Variants in INPP5A observed in about 807,000 individuals in gnomAD.
INPP5A encodes the protein 43 kDa inositol polyphosphate 5-phophatase.
In INPP5A, 14 loss-of-function variants were observed where a neutral mutation model predicts 65.2. The ratio of observed to expected loss-of-function variants is 0.21; its 90% CI spans 0.14 to 0.34. The LOEUF (loss-of-function observed/expected upper bound fraction) is 0.34. Among genes scored for constraint, INPP5A ranks in the 10% least tolerant of loss-of-function variants. INPP5A has a pLI of 1.00. For missense variants in INPP5A, 431 were observed against 545.6 expected (o/e 0.79, Z 2.09); for synonymous variants, 207 against 208.3 (o/e 0.99, Z 0.05).
At chr10:132,626,265 C>G (rs2072182621) in intron 2 of INPP5A, among the ~76,000 whole-genome samples, 1 of 152,262 alleles carries the variant, frequency 6.6e-6, no homozygotes, top group African/African-American at 2.4e-5. Context: ...GACACCTGGG[C>G]TATATCCAGG....
chr10:132,597,149 G>T (rs962473168), intron 1 of INPP5A, among the ~76,000 whole-genome samples: 17 of 151,436 alleles, frequency 1.1e-4, no homozygotes, highest in African/African-American at 3.9e-4. Flanking sequence ...GTGCATGCAT[G>T]TGTGTGAGTG....
chr10:132,667,443 A>G (rs543805566), intron 4 of INPP5A, among the ~76,000 whole-genome samples: 2 of 152,322 alleles, frequency 1.3e-5, no homozygotes, highest in South Asian at 4.1e-4. Flanking sequence ...AGCTGGAATT[A>G]AATTTATCAA....
chr10:132,658,706 C>T (rs757665622), intron 4 of INPP5A, among the ~76,000 whole-genome samples: 2 of 152,038 alleles, frequency 1.3e-5, no homozygotes, highest in African/African-American at 2.4e-5. Flanking sequence ...TCTCTGGGCA[C>T]GGATGCTCTA....
intron 4 of INPP5A, among the ~76,000 whole-genome samples, chr10:132,654,548 G>A (rs2072626417): frequency 6.6e-6 from 1 of 152,230 alleles, no homozygotes; most frequent in African/African-American, 2.4e-5. Context: ...CTTCCCCGGG[G>A]TCCTGGGCAG....
intron 11 of INPP5A, among the ~76,000 whole-genome samples, chr10:132,764,519 G>C (rs1212815749): frequency 6.9e-6 from 1 of 144,076 alleles, no homozygotes; most frequent in Non-Finnish European, 1.5e-5. Context: ...GTGACACTCA[G>C]GAACACGGTC....
chr10:132,685,207 C>G (rs1006940826), intron 4 of INPP5A, among the ~76,000 whole-genome samples: 1 of 152,244 alleles, frequency 6.6e-6, no homozygotes, highest in Non-Finnish European at 1.5e-5. Flanking sequence ...TCAGGGCTCC[C>G]CTGGGCCGCG....
chr10:132,734,544 G>A (rs1365036201), intron 9 of INPP5A, among the ~76,000 whole-genome samples: 3 of 152,360 alleles, frequency 2.0e-5, no homozygotes, highest in Admixed American at 6.5e-5. Flanking sequence ...CTGAGGTTCT[G>A]GGTGGGTGAG....
chr10:132,604,093 C>A (rs1306103642), intron 1 of INPP5A, among the ~76,000 whole-genome samples: 3 of 146,948 alleles, frequency 2.0e-5, no homozygotes, highest in Non-Finnish European at 4.5e-5. Flanking sequence ...TCTGTCCCGC[C>A]CTGTGCTGTC....
rs1306466659 is a variant in INPP5A at position 132,603,870 on chromosome 10, T to C, written c.76-4045T>C. Among the ~76,000 whole-genome samples the C allele has an allele frequency of 6.6e-6, 1 of 151,992 alleles. No homozygotes were observed. Among genetic ancestry groups the C allele is most frequent in the Non-Finnish European group, 1.5e-5 (1 of 67,986 alleles). ...TCACTGTGGTCTTTCCTTTCTGACT[T>C]CTGGGCTCTGCTGCATCACCTGAGT... On this transcript the variant is annotated intron_variant, in intron 1 of 15. Transcript: ENST00000368594. This position sits in a 1 kb window ranked among gnomAD's most constrained non-coding sequence, Gnocchi z 4.2.
intron 11 of INPP5A, among the ~76,000 whole-genome samples, chr10:132,755,013 G>A (rs989761237): frequency 1.3e-5 from 2 of 152,156 alleles, no homozygotes; most frequent in Non-Finnish European, 2.9e-5. Flanking sequence ...ATGCATGTGA[G>A]CCTGTGTGAG....
chr10:132,766,402 C>T (rs759243613), intron 12 of INPP5A, among the ~76,000 whole-genome samples: 2 of 152,180 alleles, frequency 1.3e-5, no homozygotes, highest in Non-Finnish European at 2.9e-5. Flanking sequence ...CTGGCAATAT[C>T]GGGGCCTCCA....
intron 8 of INPP5A, among the ~76,000 whole-genome samples, chr10:132,721,201 TGG>T (rs1271671886): frequency 2.7e-5 from 4 of 150,430 alleles, no homozygotes; most frequent in African/African-American, 9.8e-5. Context: ...GGGTTCTTTC[TGG>T]GGGCGCCTTA....
At chr10:132,687,057 G>T (rs954123652) in intron 4 of INPP5A, among the ~76,000 whole-genome samples, 1 of 152,222 alleles carries the variant, frequency 6.6e-6, no homozygotes, top group Non-Finnish European at 1.5e-5. Flanking sequence ...CAATTCTCCT[G>T]CCTCAGCCTC....
Position 132,698,487 on chromosome 10 carries a change from T to C in INPP5A, c.474+568T>C, listed in dbSNP as rs985516287. Among the ~76,000 whole-genome samples the C allele has an allele frequency of 5.9e-5, 9 of 152,222 alleles. No homozygotes were observed. The highest frequency in any genetic ancestry group is 2.2e-4 in the African/African-American group (9 of 41,472). On this transcript the variant is annotated intron_variant, in intron 6 of 15. Transcript: ENST00000368594. The surrounding 1 kb of genome is among the most constrained non-coding windows in gnomAD (Gnocchi z 5.5). ...CACGGTGTTGATGAGAAATTGGTGTTTCCTTCTGGCGGCCATGCACTTTGC... is the reference window on the plus strand; with the variant it reads ...CACGGTGTTGATGAGAAATTGGTGTCTCCTTCTGGCGGCCATGCACTTTGC...
intron 11 of INPP5A, among the ~76,000 whole-genome samples, chr10:132,759,936 C>T (rs1846701751): frequency 6.6e-6 from 1 of 152,192 alleles, no homozygotes; most frequent in Admixed American, 6.5e-5. Context: ...TGGGGACACT[C>T]ACTCAGGGCT....
chr10:132,761,384 G>A (rs1053555713), intron 11 of INPP5A, among the ~76,000 whole-genome samples: 1 of 152,250 alleles, frequency 6.6e-6, no homozygotes, highest in East Asian at 1.9e-4. Flanking sequence ...CCTGCTCTGA[G>A]CCAGGCCCTG....
intron 4 of INPP5A, among the ~76,000 whole-genome samples, chr10:132,672,786 G>A (rs2072909131): frequency 6.6e-6 from 1 of 152,106 alleles, no homozygotes; most frequent in Non-Finnish European, 1.5e-5. Flanking sequence ...CCAGTTACAT[G>A]TGCGTTGGAC....
At chr10:132,581,034 T>A (rs2071476961) in intron 1 of INPP5A, among the ~76,000 whole-genome samples, 1 of 152,146 alleles carries the variant, frequency 6.6e-6, no homozygotes, top group African/African-American at 2.4e-5. Context: ...CCCCCATACC[T>A]TTCCCTGGCC....
At chr10:132,664,500 C>T (rs577988265) in intron 4 of INPP5A, among the ~76,000 whole-genome samples, 152 of 152,336 alleles carry the variant, frequency 1.0e-3, no homozygotes, top group African/African-American at 3.4e-3. Context: ...AAGGGAACAT[C>T]GTGTTTTTCA....
Sources: gnomAD v4.1 joint callset for allele counts (sites outside exome capture counted in the v4.1 genomes callset) on GRCh38, gnomAD v4.1.1 for gene constraint, Gnocchi (gnomAD v3.1) non-coding constraint, MANE v1.5 for transcripts, NCBI Gene and HGNC (gene_info 2026-07-23, HGNC 2026-07-21) for gene names.